Variants in ST6GALNAC3 observed in about 807,000 individuals in gnomAD.
ST6GALNAC3 encodes alpha-N-acetylgalactosaminide alpha-2,6-sialyltransferase 3.
A neutral mutation model predicts 32.7 loss-of-function variants in ST6GALNAC3; 25 were observed. The observed-to-expected ratio is 0.76, with a 90% CI of 0.56 to 1.07. ST6GALNAC3 has a LOEUF of 1.07. Among genes scored for constraint, ST6GALNAC3 ranks in the 50% least tolerant of loss-of-function variants. The probability of loss-of-function intolerance (pLI) is 0.00; values close to 1 mark genes in which losing one functional copy is unlikely to be tolerated. For missense variants in ST6GALNAC3, 355 were observed against 382.4 expected (o/e 0.93, Z 0.60); for synonymous variants, 129 against 133.1 (o/e 0.97, Z 0.21).
chr1:76,607,827 C>G (rs773012559), intron 3 of ST6GALNAC3, among the ~76,000 whole-genome samples: 1 of 152,156 alleles, frequency 6.6e-6, no homozygotes, highest in African/African-American at 2.4e-5. Context: ...ACACGCTACA[C>G]AGCCATAATC....
At chr1:76,623,094 G>A (rs553372880) in intron 3 of ST6GALNAC3, among the ~76,000 whole-genome samples, 166 of 151,930 alleles carry the variant, frequency 1.1e-3, no homozygotes, top group African/African-American at 3.5e-3. Context: ...ATGGCCTTTC[G>A]ACATGAAGGA....
chr1:76,491,620 GA>G (rs1183374070), intron 3 of ST6GALNAC3, among the ~76,000 whole-genome samples: 1 of 152,116 alleles, frequency 6.6e-6, no homozygotes, highest in Non-Finnish European at 1.5e-5. Flanking sequence ...TCTACTCCTA[GA>G]AACTCTAGGA....
At chr1:76,403,207 C>T (rs1432231289) in intron 2 of ST6GALNAC3, among the ~76,000 whole-genome samples, 1 of 152,014 alleles carries the variant, frequency 6.6e-6, no homozygotes, top group Non-Finnish European at 1.5e-5. Flanking sequence ...TTGATAAAAC[C>T]TCTAATGCTA....
intron 1 of ST6GALNAC3, among the ~76,000 whole-genome samples, chr1:76,198,756 A>G (rs1416418656): frequency 6.6e-6 from 1 of 152,112 alleles, no homozygotes; most frequent in East Asian, 1.9e-4. Flanking sequence ...TATTTTAGAT[A>G]TGTCGGATTT....
At chr1:76,135,433 A>G (rs1186399933) in intron 1 of ST6GALNAC3, among the ~76,000 whole-genome samples, 4 of 152,220 alleles carry the variant, frequency 2.6e-5, no homozygotes, top group Non-Finnish European at 1.5e-5. Context: ...GTATTTTTAC[A>G]TAAATTAGCT....
intron 3 of ST6GALNAC3, among the ~76,000 whole-genome samples, chr1:76,608,086 C>T (rs341028): frequency 0.86 from 130,174 of 152,204 alleles, 55,686 homozygotes; most frequent in Middle Eastern, 0.89. Flanking sequence ...AGTGTCCTGC[C>T]TCATATGAAG....
intron 1 of ST6GALNAC3, among the ~76,000 whole-genome samples, chr1:76,138,892 G>A (rs1469689962): frequency 6.6e-6 from 1 of 152,066 alleles, no homozygotes; most frequent in African/African-American, 2.4e-5. Flanking sequence ...AAAAGGAGGA[G>A]TTTAAAAAAA....
chr1:76,598,519 G>A (rs1349804627), intron 3 of ST6GALNAC3, among the ~76,000 whole-genome samples: 1 of 152,066 alleles, frequency 6.6e-6, no homozygotes, highest in Non-Finnish European at 1.5e-5. Context: ...AACTGATTTC[G>A]ATCTCTTGGG....
intron 3 of ST6GALNAC3, among the ~76,000 whole-genome samples, chr1:76,570,287 G>A (rs1009442575): frequency 3.3e-5 from 5 of 151,990 alleles, no homozygotes. Context: ...TTCTTCACCA[G>A]TGCTTTGGAT....
intron 1 of ST6GALNAC3, among the ~76,000 whole-genome samples, chr1:76,306,466 A>T (rs1661059524): frequency 1.3e-5 from 2 of 152,138 alleles, no homozygotes; most frequent in African/African-American, 2.4e-5. Context: ...ATGGTAATCT[A>T]CTTTAAGAAT....
intron 1 of ST6GALNAC3, among the ~76,000 whole-genome samples, chr1:76,247,601 T>G (rs1165014081): frequency 6.6e-6 from 1 of 152,126 alleles, no homozygotes; most frequent in Admixed American, 6.5e-5. Context: ...AGTCCAAACC[T>G]TCCAGTGCCC....
At chr1:76,171,867 GACAGATTC>G (rs78284762) in intron 1 of ST6GALNAC3, among the ~76,000 whole-genome samples, 105,125 of 148,698 alleles carry the variant, frequency 0.71, 38,994 homozygotes, top group East Asian at 0.94. Flanking sequence ...AACAGGACCA[GACAGATTC>G]ACAGATTCAC....
intron 3 of ST6GALNAC3, among the ~76,000 whole-genome samples, chr1:76,596,711 A>T (rs1257449351): frequency 6.6e-6 from 1 of 152,182 alleles, no homozygotes; most frequent in African/African-American, 2.4e-5. Context: ...AAATTGAAAT[A>T]ATATCAGCCT....
At chr1:76,188,089 C>T (rs1282074308) in intron 1 of ST6GALNAC3, among the ~76,000 whole-genome samples, 1 of 152,084 alleles carries the variant, frequency 6.6e-6, no homozygotes, top group South Asian at 2.1e-4. Flanking sequence ...ATGGGCCAGG[C>T]GCGGTGGCTC....
intron 3 of ST6GALNAC3, among the ~76,000 whole-genome samples, chr1:76,592,147 T>C (rs1647057956): frequency 1.3e-5 from 2 of 152,120 alleles, no homozygotes; most frequent in African/African-American, 4.8e-5. Context: ...CTTTGCTTTA[T>C]AGAAAACTCA....
intron 3 of ST6GALNAC3, among the ~76,000 whole-genome samples, chr1:76,441,088 C>CAAAAAAAAA (rs397980569): frequency 1.1e-5 from 1 of 90,264 alleles, no homozygotes; most frequent in Non-Finnish European, 2.3e-5. Context: ...ACTATGTCTC[C>CAAAAAAAAA]AAAAAAAAAA....
intron 2 of ST6GALNAC3, among the ~76,000 whole-genome samples, chr1:76,385,500 A>C (rs1652027989): frequency 6.6e-6 from 1 of 152,098 alleles, no homozygotes; most frequent in Non-Finnish European, 1.5e-5. Flanking sequence ...TCTTCACTGT[A>C]ATGTAGAGGT....
intron 3 of ST6GALNAC3, among the ~76,000 whole-genome samples, chr1:76,523,523 A>G (rs907723937): frequency 1.3e-5 from 2 of 152,190 alleles, no homozygotes; most frequent in African/African-American, 4.8e-5. Flanking sequence ...TATCACCTTA[A>G]TTTATCCAGG....
At chr1:76,238,562 A>C (rs1243079142) in intron 1 of ST6GALNAC3, among the ~76,000 whole-genome samples, 1 of 152,138 alleles carries the variant, frequency 6.6e-6, no homozygotes, top group African/African-American at 2.4e-5. Flanking sequence ...AGCTGAGGAG[A>C]TGGATGATGC....
Sources: gnomAD v4.1 joint callset for allele counts (sites outside exome capture counted in the v4.1 genomes callset) on GRCh38, gnomAD v4.1.1 for gene constraint, MANE v1.5 for transcripts, NCBI Gene and HGNC (gene_info 2026-07-23, HGNC 2026-07-21) for gene names.